SRP54: variants seen among roughly 807,000 people sequenced by gnomAD.
SRP54 encodes signal recognition particle subunit SRP54.
A neutral mutation model predicts 64.8 loss-of-function variants in SRP54; 10 were observed. The observed-to-expected ratio is 0.15, with a 90% CI of 0.10 to 0.26. The LOEUF (loss-of-function observed/expected upper bound fraction) is 0.26. Ranked by LOEUF, SRP54 falls within the 10% of genes least tolerant of loss-of-function variation. The probability of loss-of-function intolerance (pLI) is 1.00; values close to 1 mark genes in which losing one functional copy is unlikely to be tolerated. For synonymous variants in SRP54, 193 were observed against 185.6 expected, an observed-to-expected ratio of 1.04 and a Z score of -0.32; for missense variants, 325 against 613.7, an observed-to-expected ratio of 0.53 and a Z score of 4.97.
chr14:35,002,737 C>CTT (rs71121258), intron 4 of SRP54, among the ~76,000 whole-genome samples: 4 of 95,004 alleles, frequency 4.2e-5, no homozygotes, highest in Admixed American at 1.3e-4. Context: ...GCCTGGCCTC[C>CTT]TTTTTTTTTT....
chr14:35,022,937 T>C lies in SRP54; in HGVS notation c.1184T>C (p.Val395Ala). 4 of 1,613,792 alleles carry C rather than the reference T, an allele frequency of 2.5e-6. No homozygotes were observed. Among genetic ancestry groups the C allele is most frequent in the Non-Finnish European group, 3.4e-6 (4 of 1,179,896 alleles). ...QELDSTDGAKVFSKQPGRIQR... is the reference protein window; with the variant it reads ...QELDSTDGAKAFSKQPGRIQR... Reference sequence around the variant, plus strand: ...CTAGACAGTACGGATGGTGCCAAAGTTTTTAGTAAACAACCAGGAAGAATC... The same window carrying C: ...CTAGACAGTACGGATGGTGCCAAAGCTTTTAGTAAACAACCAGGAAGAATC... The change falls in exon 14 of 16, where the codon GTT (valine) becomes GCT (alanine). Residue 395 changes from valine (V) to alanine (A), a missense_variant. Val to Ala is a moderately conservative substitution (Grantham distance 64). This residue lies in a region of SRP54 where 146 missense variants were observed against 337.4 expected (regional missense o/e 0.43). Transcript: ENST00000216774.
chr14:35,010,673 G>A (rs545950151), intron 7 of SRP54, among the ~76,000 whole-genome samples: 234 of 152,090 alleles, frequency 1.5e-3, no homozygotes, highest in African/African-American at 5.5e-3. Context: ...GCTGAGGCAC[G>A]AGAATCCCTT....
intron 7 of SRP54, among the ~76,000 whole-genome samples, chr14:35,009,227 C>T (rs36112862): frequency 0.2 from 29,903 of 151,188 alleles, 3,203 homozygotes; most frequent in East Asian, 0.38. Flanking sequence ...TGTAAAGACC[C>T]TGTCTTATAA....
chr14:34,991,956 G>C (rs1207112846), intron 1 of SRP54, among the ~76,000 whole-genome samples: 1 of 152,226 alleles, frequency 6.6e-6, no homozygotes, highest in East Asian at 1.9e-4. Flanking sequence ...GTTTTAAGAC[G>C]GAGTTTTGCT....
rs1263827130 is a variant in SRP54 at position 35,007,972 on chromosome 14, A to C, written c.360+585A>C. Among the ~76,000 whole-genome samples the C allele has an allele frequency of 4.6e-5, 7 of 151,656 alleles. No individual in the cohort carries two copies. In the East Asian group the frequency reaches 1.4e-3, roughly 29 times the overall value. On this transcript the variant is annotated intron_variant, in intron 5 of 15. Transcript: ENST00000216774. ...TAACTATGCTATTTCTTTTATTAAA[A>C]AAAGACCATTCCTATCCTTTCAGGA... is the stretch of plus-strand genomic sequence containing the variant.
At chr14:35,017,272 A>G (rs1161125058) in intron 11 of SRP54, among the ~76,000 whole-genome samples, 2 of 151,904 alleles carry the variant, frequency 1.3e-5, no homozygotes, top group African/African-American at 4.8e-5. Flanking sequence ...AAGTCTCTAC[A>G]TTTTTGTTTC....
At position 35,017,923 on chromosome 14, in the gene SRP54, C is replaced by T. The variant is rs2044469033; in HGVS notation, c.974-769C>T. ...ATCATTTGAGGTCAGGAGTTTGAGA[C>T]CAGCCTGGGCAATGTAGTGAGACCC... On this transcript the variant is annotated intron_variant, in intron 11 of 15. Transcript: ENST00000216774. Among the ~76,000 whole-genome samples, 3 of 152,172 alleles carry T rather than the reference C, an allele frequency of 2.0e-5. No individual in the cohort carries two copies. In the South Asian group the frequency reaches 6.2e-4, roughly 32 times the overall value.
intron 14 of SRP54, among the ~76,000 whole-genome samples, chr14:35,023,673 A>T (rs979380010): frequency 4.0e-5 from 6 of 151,492 alleles, no homozygotes; most frequent in African/African-American, 1.5e-4. Context: ...TATCCCAGCT[A>T]CTCGGGAGGC....
intron 10 of SRP54, 145 bp from the exon 11 acceptor site, chr14:35,014,599 G>T (rs770222514): frequency 3.2e-6 from 2 of 623,996 alleles, no homozygotes; most frequent in Non-Finnish European, 5.4e-6. Context: ...AACTTTCTTA[G>T]CTTTGGTTTT....
chr14:35,010,978 T>G (rs2044347856), intron 7 of SRP54, among the ~76,000 whole-genome samples: 3 of 152,112 alleles, frequency 2.0e-5, no homozygotes. Context: ...CAAGTTGGAG[T>G]GCAGTTGCAT....
rs1375783172 is a variant in SRP54, at chr14:35,028,151, A to G, written c.1391A>G (p.Lys464Arg). ...GCAAAATTGAACCAACAAATGGCCA[A>G]AATGATGGATCCTAGGGTTCTTCAT... ...QMAKLNQQMAKMMDPRVLHHM... is the reference protein window; with the variant it reads ...QMAKLNQQMARMMDPRVLHHM... Residue 464 changes from lysine (K) to arginine (R), a missense_variant, in exon 15 of 16, where the codon AAA becomes AGA. Physicochemically the swap from Lys to Arg is conservative, Grantham distance 26 (BLOSUM62 2). Coordinates refer to ENST00000216774, the MANE Select transcript of SRP54 (RefSeq NM_003136.4). 1.2e-6 allele frequency: 2 copies of G among 1,613,756 alleles called. No homozygotes were observed. The highest frequency in any genetic ancestry group is 1.7e-6 in the Non-Finnish European group (2 of 1,179,784).
At chr14:35,026,671 G>A (rs564345651) in intron 14 of SRP54, among the ~76,000 whole-genome samples, 2 of 152,296 alleles carry the variant, frequency 1.3e-5, no homozygotes, top group African/African-American at 4.8e-5. Flanking sequence ...CTGGCCAGGC[G>A]CTGTGGCCTA....
intron 11 of SRP54, 32 bp from the exon 12 acceptor site, chr14:35,018,660 A>T (rs765388498): frequency 1.3e-6 from 2 of 1,548,604 alleles, no homozygotes; most frequent in Admixed American, 3.6e-5. Context: ...TACATACTTT[A>T]ATATATCCGA....
intron 2 of SRP54, among the ~76,000 whole-genome samples, chr14:34,998,179 G>A (rs2044099955): frequency 6.6e-6 from 1 of 152,134 alleles, no homozygotes. Flanking sequence ...GAACATTCAA[G>A]AAATATTTGA....
intron 1 of SRP54, among the ~76,000 whole-genome samples, chr14:34,991,643 G>A (rs1294595472): frequency 6.6e-6 from 1 of 150,798 alleles, no homozygotes; most frequent in Non-Finnish European, 1.5e-5. Context: ...GAGCATGCTG[G>A]CTAGTACCGA....
intron 1 of SRP54, among the ~76,000 whole-genome samples, chr14:34,985,172 AAG>A (rs2043875423): frequency 6.6e-6 from 1 of 152,220 alleles, no homozygotes. Context: ...GTCTCAACAA[AAG>A]AGACAAAAAT....
Position 35,023,034 on chromosome 14 carries a change from T to A in SRP54, c.1281T>A (p.Phe427Leu). 6.2e-7 allele frequency: 1 copy of A among 1,613,670 alleles called. No homozygotes were observed. The highest frequency in any genetic ancestry group is 8.5e-7 in the Non-Finnish European group (1 of 1,179,850). ...AACTTTTGACACAATATACCAAGTT[T>A]GCACAGATGGTAAAAAAGATGGGAG... ...VQELLTQYTK[F>L]AQMVKKMGGI... The change falls in exon 14 of 16, where the codon TTT (phenylalanine) becomes TTA (leucine). Residue 427 changes from phenylalanine to leucine, a missense_variant. Phe to Leu is a conservative substitution (Grantham distance 22). Transcript: ENST00000216774.
rs145303964 is a variant in SRP54 at position 35,016,641 on chromosome 14, C to A, written c.973+1811C>A. Among the ~76,000 whole-genome samples, 459 of 152,274 alleles carry A rather than the reference C, an allele frequency of 3.0e-3. 3 individuals carry two copies. The highest frequency in any genetic ancestry group is 0.011 in the African/African-American group (443 of 41,556). On this transcript the variant is annotated intron_variant, in intron 11 of 15. Coordinates refer to ENST00000216774, the MANE Select transcript of SRP54 (RefSeq NM_003136.4). The stretch of plus-strand genomic sequence containing the variant: ...TGACAGATGTTTCTATCACTTCCTA[C>A]AATTAATTTTTATATTATTCAGCAC...
rs11540758 is a variant in SRP54 at position 35,029,279 on chromosome 14, C to T, written c.*127C>T. On this transcript the variant is annotated 3_prime_UTR_variant, in exon 16 of 16. Coordinates refer to ENST00000216774, the MANE Select transcript of SRP54 (RefSeq NM_003136.4). Reference sequence around the variant, plus strand: ...TGCTTATCATGCACTCTTTCCTTTTCTTCTCGCCCGCTTTTCCCCTCCTTT... The same window carrying T: ...TGCTTATCATGCACTCTTTCCTTTTTTTCTCGCCCGCTTTTCCCCTCCTTT... 0.19 allele frequency: 109,501 copies of T among 579,628 alleles called. 11,454 individuals are homozygous for T. The highest frequency in any genetic ancestry group is 0.34 in the East Asian group (10,506 of 30,744). 35.9% of individuals were successfully genotyped at this position (579,628 alleles called of 1,614,324 possible).
Sources: allele counts gnomAD v4.1 joint callset (sites outside exome capture counted in the v4.1 genomes callset), GRCh38; gene constraint gnomAD v4.1.1; regional missense constraint gnomAD v4.1.1; transcripts MANE v1.5; gene names NCBI Gene and HGNC (gene_info 2026-07-23, HGNC 2026-07-21).